RASA3: variants seen among roughly 807,000 people sequenced by gnomAD.
The protein encoded by RASA3 is RAS p21 protein activator 3.
RASA3 carries 73 observed loss-of-function variants against 110.0 expected under a neutral mutation model. That is an observed-to-expected ratio of 0.66 (90% CI 0.55 to 0.81). The LOEUF (loss-of-function observed/expected upper bound fraction) is 0.81. Among genes scored for constraint, RASA3 ranks in the 30% least tolerant of loss-of-function variants. The pLI, the probability that RASA3 is intolerant of heterozygous loss-of-function variation, is 0.00. For missense variants in RASA3, 976 were observed against 1,113.2 expected (o/e 0.88, Z 1.75); for synonymous variants, 500 against 451.4 (o/e 1.11, Z -1.37).
At chr13:114,013,308 C>T (rs1396976082) in intron 14 of RASA3, 60 bp from the exon 15 acceptor site, 1 of 1,318,986 alleles carries the variant, frequency 7.6e-7, no homozygotes, top group South Asian at 1.3e-5. Flanking sequence ...CGTGGGGACA[C>T]CATGCCCCGG....
Position 114,065,114 on chromosome 13 carries a change from G to A in RASA3, c.173+8606C>T, listed in dbSNP as rs377680115. Among the ~76,000 whole-genome samples, 32 of 152,348 alleles carry A rather than the reference G, an allele frequency of 2.1e-4. 1 individual carries two copies. In the East Asian group the frequency reaches 5.2e-3, roughly 25 times the overall value. On this transcript the variant is annotated intron_variant, in intron 2 of 23. Transcript: ENST00000334062. This position sits in a 1 kb window ranked among gnomAD's most constrained non-coding sequence, Gnocchi z 4.1. The stretch of plus-strand genomic sequence containing the variant: ...ACCTTTAAGTAGTGGCTCTGATGAG[G>A]GGAAACCATCTGAACTGAATTCCTC...
At position 114,057,313 on chromosome 13, in the gene RASA3, A is replaced by C; in HGVS notation, c.174-5158T>G. 1 of 985,346 alleles carries C rather than the reference A, an allele frequency of 1.0e-6. No homozygotes were observed. Among genetic ancestry groups the C allele is most frequent in the Non-Finnish European group, 1.2e-6 (1 of 829,898 alleles). The allele number at this position is 985,346 out of a possible 1,614,324, so 61.0% of individuals were successfully genotyped here. ...GGCGGCCGGCCAGCCTTATCAACGG[A>C]GCTCTGAGCCACCAACCACTGTGAC... On this transcript the variant is annotated intron_variant, in intron 2 of 23. Coordinates refer to ENST00000334062, the MANE Select transcript of RASA3 (RefSeq NM_007368.4). This position sits in a 1 kb window ranked among gnomAD's most constrained non-coding sequence, Gnocchi z 5.0.
At chr13:114,022,350 C>A (rs544524490) in intron 8 of RASA3, among the ~76,000 whole-genome samples, 18 of 152,336 alleles carry the variant, frequency 1.2e-4, no homozygotes, top group African/African-American at 3.8e-4. Context: ...GGCTGGTAAC[C>A]CAGTCCCTCA....
At chr13:114,005,942 T>C (rs74184260) in intron 18 of RASA3, among the ~76,000 whole-genome samples, 3 of 18,670 alleles carry the variant, frequency 1.6e-4, no homozygotes, top group Admixed American at 1.0e-3. Context: ...CCTGCCCTGC[T>C]GGATGCCACC....
Position 114,096,955 on chromosome 13 carries a change from A to G in RASA3, c.56-23118T>C, listed in dbSNP as rs957993755. 6.6e-6 allele frequency among the ~76,000 whole-genome samples: 1 copy of G among 151,820 alleles called. No individual in the cohort carries two copies. Among genetic ancestry groups the G allele is most frequent in the Admixed American group, 6.6e-5 (1 of 15,240 alleles). On this transcript the variant is annotated intron_variant, in intron 1 of 23. Coordinates refer to ENST00000334062, the MANE Select transcript of RASA3 (RefSeq NM_007368.4). This position sits in a 1 kb window ranked among gnomAD's most constrained non-coding sequence, Gnocchi z 5.1. ...CTGCAGTGCCCTCCTCTGTGTCTCA[A>G]TCCTTCCCGTGCACCAGGCCACTCT...
chr13:114,040,325 G>A (rs1286010430), intron 4 of RASA3, among the ~76,000 whole-genome samples: 1 of 140,750 alleles, frequency 7.1e-6, no homozygotes, highest in Admixed American at 7.1e-5. Context: ...GCACAAGCGG[G>A]CGAACACGCA....
chr13:114,116,579 T>C (rs2080278444), intron 1 of RASA3, among the ~76,000 whole-genome samples: 1 of 133,274 alleles, frequency 7.5e-6, no homozygotes, highest in Non-Finnish European at 1.7e-5. Context: ...TTTGTAATGA[T>C]AAAAGTTTTT....
At chr13:114,018,570 TCTAA>T (rs1207005901) in intron 10 of RASA3, among the ~76,000 whole-genome samples, 189 bp downstream of exon 10, 50 of 152,240 alleles carry the variant, frequency 3.3e-4, no homozygotes, top group Non-Finnish European at 5.7e-4. Context: ...CTCCCACGGC[TCTAA>T]CTGTCGACGG....
intron 21 of RASA3, among the ~76,000 whole-genome samples, chr13:113,995,776 GGCCC>G: frequency 1.6e-5 from 1 of 62,274 alleles, no homozygotes; most frequent in Non-Finnish European, 2.9e-5. Flanking sequence ...GCTGACGGGG[GGCCC>G]GGCTGACGGG....
intron 1 of RASA3, among the ~76,000 whole-genome samples, chr13:114,087,010 C>A (rs60327000): frequency 4.5e-3 from 4 of 884 alleles, no homozygotes; most frequent in East Asian, 0.022. Flanking sequence ...CGGGGAAATC[C>A]CGGGGAAGTG....
intron 2 of RASA3, among the ~76,000 whole-genome samples, chr13:114,059,564 C>T (rs1161964093): frequency 6.6e-6 from 1 of 152,256 alleles, no homozygotes; most frequent in African/African-American, 2.4e-5. Flanking sequence ...AGCCTCAGGA[C>T]ACCGCCCTCT....
At chr13:114,029,477 G>A (rs1242506393) in intron 5 of RASA3, among the ~76,000 whole-genome samples, 1 of 63,272 alleles carries the variant, frequency 1.6e-5, no homozygotes, top group Non-Finnish European at 2.8e-5. Context: ...CTGGGGGCCA[G>A]GACCTCTAAA....
At chr13:113,996,397 G>A in intron 21 of RASA3, 134 bp downstream of exon 21, 1 of 920,638 alleles carries the variant, frequency 1.1e-6, no homozygotes, top group Non-Finnish European at 1.6e-6. Flanking sequence ...GAGGCTCCTG[G>A]GAGGAGGCGA....
At position 114,057,186 on chromosome 13, in the gene RASA3, T is replaced by C. The variant is rs2139590930; in HGVS notation, c.174-5031A>G. The C allele has an allele frequency of 1.0e-6, 1 of 981,670 alleles. No homozygotes were observed. Among genetic ancestry groups the C allele is most frequent in the Non-Finnish European group, 1.2e-6 (1 of 826,504 alleles). The allele number at this position is 981,670 out of a possible 1,614,324, so 60.8% of individuals were successfully genotyped here. ...TTGCCTATTTTAATGTTTTTCTTCT[T>C]ATTTCATATAACTTTTTAAACTTAA... On this transcript the variant is annotated intron_variant, in intron 2 of 23. Transcript: ENST00000334062. This position sits in a 1 kb window ranked among gnomAD's most constrained non-coding sequence, Gnocchi z 5.0.
chr13:114,012,983 C>G lies in RASA3; in HGVS notation c.1512+159G>C, dbSNP rs575766369. Among the ~76,000 whole-genome samples the G allele has an allele frequency of 8.6e-5, 13 of 151,876 alleles. 1 individual carries two copies. The highest frequency in any genetic ancestry group is 7.9e-4 in the Admixed American group (12 of 15,260). On this transcript the variant is annotated intron_variant, in intron 15 of 23. Coordinates refer to ENST00000334062, the MANE Select transcript of RASA3 (RefSeq NM_007368.4). ...CCACACACACTCCCCACTCACTCCT[C>G]ATTCCACACACACTCCCCACTCACT...
intron 22 of RASA3, among the ~76,000 whole-genome samples, chr13:113,983,062 T>C (rs1177566558): frequency 6.7e-6 from 1 of 149,118 alleles, no homozygotes; most frequent in African/African-American, 2.5e-5. Flanking sequence ...TGGACTGGCT[T>C]TGGAACTGGG....
chr13:114,116,928 G>A (rs1173131900), intron 1 of RASA3, among the ~76,000 whole-genome samples: 9 of 138,426 alleles, frequency 6.5e-5, no homozygotes, highest in African/African-American at 1.6e-4. Flanking sequence ...GGGTGAGCAC[G>A]TGTGTGAGGG....
chr13:114,072,578 C>T (rs1020855744), intron 2 of RASA3, among the ~76,000 whole-genome samples: 12 of 151,954 alleles, frequency 7.9e-5, no homozygotes, highest in Non-Finnish European at 1.3e-4. Flanking sequence ...GCGAGCTTCC[C>T]GGTTCATCTC....
At chr13:114,119,463 C>T (rs2080335433) in intron 1 of RASA3, among the ~76,000 whole-genome samples, 1 of 152,142 alleles carries the variant, frequency 6.6e-6, no homozygotes, top group Non-Finnish European at 1.5e-5. Context: ...CCCCCAGCAG[C>T]AGCGAGAGAA....
Sources: allele counts gnomAD v4.1 joint callset (sites outside exome capture counted in the v4.1 genomes callset), GRCh38; gene constraint gnomAD v4.1.1; non-coding constraint Gnocchi (gnomAD v3.1); transcripts MANE v1.5; gene names NCBI Gene and HGNC (gene_info 2026-07-23, HGNC 2026-07-21).